Variants in HORMAD2 observed in about 807,000 individuals in gnomAD.
HORMAD2 encodes HORMA domain-containing protein 2.
A neutral mutation model predicts 38.8 loss-of-function variants in HORMAD2; 45 were observed. That is an observed-to-expected ratio of 1.16 (90% confidence interval 0.91 to 1.49). The LOEUF (loss-of-function observed/expected upper bound fraction) is 1.49. HORMAD2 is among the 40% of genes most tolerant of loss of function. The probability of loss-of-function intolerance (pLI) is 0.00; values close to 1 mark genes in which losing one functional copy is unlikely to be tolerated. For missense variants in HORMAD2, 338 were observed against 367.0 expected (o/e 0.92, Z 0.65); for synonymous variants, 126 against 122.8 (o/e 1.03, Z -0.17).
chr22:30,115,533 A>G (rs981255083), intron 7 of HORMAD2, among the ~76,000 whole-genome samples: 6 of 152,204 alleles, frequency 3.9e-5, no homozygotes, highest in African/African-American at 1.4e-4. Context: ...CTAAGTAAGC[A>G]TGAACTCTAC....
intron 5 of HORMAD2, among the ~76,000 whole-genome samples, chr22:30,111,334 A>G (rs1921636316): frequency 6.6e-6 from 1 of 151,708 alleles, no homozygotes; most frequent in African/African-American, 2.4e-5. Flanking sequence ...GAAAATACAA[A>G]AATTAGCCGG....
At chr22:30,158,469 C>CTTTCT (rs887942945) in intron 10 of HORMAD2, among the ~76,000 whole-genome samples, 11 of 151,652 alleles carry the variant, frequency 7.3e-5, no homozygotes, top group Admixed American at 3.3e-4. Flanking sequence ...TCCTTTCTTT[C>CTTTCT]TTTCTTTTCT....
the HORMAD2 span, among the ~76,000 whole-genome samples, chr22:30,190,977 G>T: frequency 2.0e-5 from 3 of 151,258 alleles, no homozygotes; most frequent in Admixed American, 6.7e-5. Context: ...TCAAAAAAGT[G>T]GGGGGAACAT....
intron 10 of HORMAD2, among the ~76,000 whole-genome samples, chr22:30,127,195 AGTTCTTTT>A (rs1922929485): frequency 7.4e-6 from 1 of 134,756 alleles, no homozygotes; most frequent in South Asian, 2.4e-4. Flanking sequence ...TATAAACAGA[AGTTCTTTT>A]TTTTTTTTTT....
intron 10 of HORMAD2, chr22:30,137,544 GAAGA>G (rs992122734): frequency 1.3e-5 from 2 of 154,958 alleles, no homozygotes; most frequent in Admixed American, 1.3e-4. Context: ...AGAAGGAAAG[GAAGA>G]GACAGAGAGA....
At chr22:30,099,756 G>A (rs5763769) in intron 3 of HORMAD2, among the ~76,000 whole-genome samples, 22,315 of 152,020 alleles carry the variant, frequency 0.15, 3,442 homozygotes, top group African/African-American at 0.38. Flanking sequence ...GCATTATGCT[G>A]GGCACCTGTA....
rs537727628 is a variant in HORMAD2 at position 30,135,214 on chromosome 22, T to C, written c.819+13000T>C. ...TCCACTTTCACTCATGAAAGAGTAA[T>C]GTAAGAGTTACCCTCTTGCTGTAAA... On this transcript the variant is annotated intron_variant, in intron 10 of 10. Coordinates refer to ENST00000336726, the MANE Select transcript of HORMAD2 (RefSeq NM_152510.4). Among the ~76,000 whole-genome samples, 4 of 152,164 alleles carry C rather than the reference T, an allele frequency of 2.6e-5. No homozygotes were observed. The East Asian group carries it at 7.7e-4, about 29-fold the overall frequency.
At chr22:30,125,214 TTC>T (rs1922756758) in intron 10 of HORMAD2, among the ~76,000 whole-genome samples, 4 of 122,240 alleles carry the variant, frequency 3.3e-5, no homozygotes, top group African/African-American at 1.4e-4. Flanking sequence ...TCTTTTTCTT[TTC>T]TTTTTTTTTT....
chr22:30,152,688 G>C (rs1924824725), intron 10 of HORMAD2, among the ~76,000 whole-genome samples: 1 of 151,974 alleles, frequency 6.6e-6, no homozygotes, highest in African/African-American at 2.4e-5. Context: ...TTATTTCTAT[G>C]ATATACTTCT....
At chr22:30,177,696 A>G (rs1984020200), downstream of HORMAD2, among the ~76,000 whole-genome samples, 1 of 147,504 alleles carries the variant, frequency 6.8e-6, no homozygotes, top group South Asian at 2.2e-4. Context: ...GCTATAGGAG[A>G]TCAATTTATA....
chr22:30,124,290 C>T (rs901708719), intron 10 of HORMAD2, among the ~76,000 whole-genome samples: 8 of 143,816 alleles, frequency 5.6e-5, no homozygotes, highest in Middle Eastern at 4.0e-3. Context: ...CACACACACA[C>T]ACATACATAC....
At chr22:30,077,972 C>T (rs941207880), upstream of HORMAD2, among the ~76,000 whole-genome samples, 1 of 152,132 alleles carries the variant, frequency 6.6e-6, no homozygotes, top group Non-Finnish European at 1.5e-5. Context: ...GTAAAAATAA[C>T]AGCTCTTGAC....
chr22:30,086,317 T>G (rs1427503879), intron 1 of HORMAD2, among the ~76,000 whole-genome samples: 1 of 152,196 alleles, frequency 6.6e-6, no homozygotes, highest in African/African-American at 2.4e-5. Flanking sequence ...TCTTAGGTAG[T>G]TCTTTATAGC....
Position 30,122,092 on chromosome 22 carries a change from A to G in HORMAD2, c.697A>G (p.Lys233Glu). Residue 233 changes from lysine (K) to glutamate (E), a missense_variant, in exon 10 of 11, where the codon AAA becomes GAA. Lys to Glu is a moderately conservative substitution (Grantham distance 56). Transcript: ENST00000336726. ...CACTGGCTTTCATAGCATGAAAGTA[A>G]AAGTCATGACAGAGGCTACAAAAGT... ...VSTGFHSMKV[K>E]VMTEATKVID... The G allele has an allele frequency of 6.2e-7, 1 of 1,613,828 alleles. No individual in the cohort carries two copies. Among genetic ancestry groups the G allele is most frequent in the Non-Finnish European group, 8.5e-7 (1 of 1,179,816 alleles).
chr22:30,099,008 A>G lies in HORMAD2; in HGVS notation c.193+15A>G. The G allele has an allele frequency of 6.2e-7, 1 of 1,602,108 alleles. No homozygotes were observed. The highest frequency in any genetic ancestry group is 8.5e-7 in the Non-Finnish European group (1 of 1,174,660). On this transcript the variant is annotated intron_variant, in intron 3 of 10. Coordinates refer to ENST00000336726, the MANE Select transcript of HORMAD2 (RefSeq NM_152510.4). The stretch of plus-strand genomic sequence containing the variant: ...CCATTTGGATGGTAAAGTTAAACTA[A>G]CTAGTCTCTTTGGCTGTTGTAGCCC...
chr22:30,114,855 G>A (rs1038730712), intron 7 of HORMAD2, among the ~76,000 whole-genome samples: 1 of 152,180 alleles, frequency 6.6e-6, no homozygotes, highest in Non-Finnish European at 1.5e-5. Context: ...TCTCATGAAA[G>A]AGATGACCAA....
chr22:30,084,180 G>A (rs2068531210), intron 1 of HORMAD2, among the ~76,000 whole-genome samples: 1 of 152,190 alleles, frequency 6.6e-6, no homozygotes. Flanking sequence ...ACTAAAAAGA[G>A]CAGACATGTA....
chr22:30,083,736 C>T (rs1250907757), intron 1 of HORMAD2, among the ~76,000 whole-genome samples: 1 of 152,160 alleles, frequency 6.6e-6, no homozygotes, highest in Non-Finnish European at 1.5e-5. Flanking sequence ...CTGCCTCAGC[C>T]TCTCAAGTAG....
At chr22:30,092,412 C>A (rs1324304415) in intron 1 of HORMAD2, among the ~76,000 whole-genome samples, 3 of 89,574 alleles carry the variant, frequency 3.3e-5, no homozygotes, top group African/African-American at 1.4e-4. Context: ...TTAATTCTTT[C>A]TTGGATGAAT....
Sources: gnomAD v4.1 joint callset for allele counts (sites outside exome capture counted in the v4.1 genomes callset) on GRCh38, gnomAD v4.1.1 for gene constraint, MANE v1.5 for transcripts, NCBI Gene and HGNC (gene_info 2026-07-23, HGNC 2026-07-21) for gene names.